The following PSG1 variants were observed in gnomAD, a reference collection of about 807,000 sequenced individuals.
PSG1 encodes the protein pregnancy specific beta-1-glycoprotein 1.
PSG1 carries 60 observed loss-of-function variants against 41.4 expected under a neutral mutation model. The observed-to-expected ratio is 1.45, with a 90% CI of 1.18 to 1.80. The LOEUF is 1.80. Among genes scored for constraint, PSG1 ranks in the 40% most tolerant of loss-of-function variants. PSG1 has a pLI of 0.00. For missense variants in PSG1, 806 were observed against 516.9 expected (o/e 1.56, Z -5.42); for synonymous variants, 256 against 192.9 (o/e 1.33, Z -2.71).
chr19:42,874,049 A>G (rs1159787338), intron 2 of PSG1: 1 of 151,584 alleles, frequency 6.6e-6, no homozygotes, highest in East Asian at 1.9e-4. Flanking sequence ...CAGTAAAACC[A>G]TCAGATAACA....
Position 42,868,878 on chromosome 19 carries a change from G to A in PSG1, c.866C>T (p.Pro289Leu), listed in dbSNP as rs143886024. ...TAGAATGAGGATCCTGTTTTCAATGGGTCGCTTTACCCTGGGACTGACCGG... is the reference window on the plus strand; with the variant it reads ...TAGAATGAGGATCCTGTTTTCAATGAGTCGCTTTACCCTGGGACTGACCGG... ...SLPVSPRVKR[P>L]IENRILILPS... The change falls in exon 4 of 6, where the codon CCC (proline) becomes CTC (leucine). Residue 289 changes from proline (P) to leucine (L), a missense_variant. Pro to Leu is a moderately conservative substitution (Grantham distance 98). Coordinates refer to ENST00000436291, the MANE Select transcript of PSG1 (RefSeq NM_001184825.2). 6.2e-7 allele frequency: 1 copy of A among 1,610,730 alleles called. No individual in the cohort carries two copies.
At chr19:42,873,730 T>C (rs981472880) in intron 2 of PSG1, among the ~76,000 whole-genome samples, 1 of 151,614 alleles carries the variant, frequency 6.6e-6, no homozygotes, top group African/African-American at 2.4e-5. Flanking sequence ...GGTCAGTGCA[T>C]CAATTACATA....
chr19:42,869,132 A>C, intron 3 of PSG1, 98 bp from the exon 4 acceptor site: 1 of 1,557,238 alleles, frequency 6.4e-7, no homozygotes. Context: ...CTCTCATTCC[A>C]CCCGAGTCCT....
chr19:42,878,952 G>A lies in PSG1; in HGVS notation c.64+566C>T, dbSNP rs182747620. Among the ~76,000 whole-genome samples the A allele has an allele frequency of 3.5e-3, 534 of 151,014 alleles. 6 individuals carry two copies. Among genetic ancestry groups the A allele is most frequent in the Middle Eastern group, 6.8e-3 (2 of 292 alleles). On this transcript the variant is annotated intron_variant, in intron 1 of 5. Transcript: ENST00000436291. Reference sequence around the variant, plus strand: ...CTGCCCTGTTTATATTTTTATTTGAGGTGTCATCTGCTATAGTTATTATTA... The same window carrying A: ...CTGCCCTGTTTATATTTTTATTTGAAGTGTCATCTGCTATAGTTATTATTA...
chr19:42,868,224 G>T lies in PSG1; in HGVS notation c.1120C>A (p.Leu374Ile), dbSNP rs770859167. 9 of 1,612,396 alleles carry T rather than the reference G, an allele frequency of 5.6e-6. No homozygotes were observed. The highest frequency in any genetic ancestry group is 7.6e-6 in the Non-Finnish European group (9 of 1,179,156). Residue 374 changes from leucine to isoleucine, a missense_variant, in exon 5 of 6, where the codon CTA (leucine) becomes ATA (isoleucine). Transcript: ENST00000436291. ...YSWTINEKFQ[L>I]PGQKLFIRHI... ...CGGATAAAGAGCTTTTGTCCTGGTA[G>T]CTGAAACTTTTCATTAATTGTCCAA...
intron 2 of PSG1, among the ~76,000 whole-genome samples, chr19:42,877,254 C>A (rs755369234): frequency 6.6e-6 from 1 of 151,630 alleles, no homozygotes; most frequent in East Asian, 1.9e-4. Context: ...TATGGACTAT[C>A]CTAAGCCTCC....
Position 42,867,709 on chromosome 19 carries a change from C to T in PSG1, c.1243+392G>A, listed in dbSNP as rs541076153. 2.9e-4 allele frequency: 235 copies of T among 817,962 alleles called. 6 individuals are homozygous for T. The highest frequency in any genetic ancestry group is 1.8e-3 in the East Asian group (74 of 41,212). 50.7% of individuals were successfully genotyped at this position (817,962 alleles called of 1,614,324 possible). On this transcript the variant is annotated intron_variant, in intron 5 of 5. Coordinates refer to ENST00000436291, the MANE Select transcript of PSG1 (RefSeq NM_001184825.2). ...AAAGCAAAAGTAAATGTTTCAATTA[C>T]GGTTCCCAGAAGTATAGTTTATTGA...
chr19:42,878,585 A>C (rs1971726888), intron 1 of PSG1, among the ~76,000 whole-genome samples: 3 of 139,262 alleles, frequency 2.2e-5, no homozygotes, highest in Non-Finnish European at 3.1e-5. Context: ...GGCCCCCTCC[A>C]CAATGCCCTC....
At chr19:42,875,109 C>T (rs181832656) in intron 2 of PSG1, among the ~76,000 whole-genome samples, 1 of 151,806 alleles carries the variant, frequency 6.6e-6, no homozygotes, top group Admixed American at 6.6e-5. Flanking sequence ...GCAGAGATTA[C>T]AACAGTGACA....
intron 3 of PSG1, chr19:42,869,991 C>A (rs1971311960): frequency 6.6e-6 from 1 of 151,668 alleles, no homozygotes; most frequent in Admixed American, 6.6e-5. Context: ...ATTCTACTCT[C>A]TGATTCCATG....
chr19:42,872,873 A>T (rs1971453358), intron 2 of PSG1, among the ~76,000 whole-genome samples: 1 of 151,864 alleles, frequency 6.6e-6, no homozygotes, highest in Admixed American at 6.6e-5. Flanking sequence ...GACTGGTGGA[A>T]AGGGCGATCA....
chr19:42,869,107 G>A (rs1157787543), intron 3 of PSG1, 73 bp from the exon 4 acceptor site: 2 of 1,583,322 alleles, frequency 1.3e-6, no homozygotes, highest in Admixed American at 1.7e-5. Flanking sequence ...TTCAATCAGA[G>A]TTGGCATCTC....
rs554092175 is a variant in PSG1, at chr19:42,877,306, C to T, written c.430+607G>A. On this transcript the variant is annotated intron_variant, in intron 2 of 5. Transcript: ENST00000436291. ...TGGCCTACAAAGCTTGTCTTTCTGT[C>T]CTCTCCACTCTGAGTATCAGGTGAA... Among the ~76,000 whole-genome samples the T allele has an allele frequency of 5.3e-5, 8 of 151,722 alleles. 1 individual carries two copies. The East Asian group carries it at 1.2e-3, about 22-fold the overall frequency.
At chr19:42,879,383 A>G (rs112568671) in intron 1 of PSG1, 135 bp downstream of exon 1, 2 of 1,372,558 alleles carry the variant, frequency 1.5e-6, no homozygotes, top group African/African-American at 1.5e-5. Context: ...TGAACTTCTG[A>G]TCTCATGATC....
At chr19:42,868,631 G>A (rs1202439237) in intron 4 of PSG1, 125 bp downstream of exon 4, 2 of 1,541,748 alleles carry the variant, frequency 1.3e-6, no homozygotes, top group Admixed American at 3.8e-5. Context: ...GGGAGTCATG[G>A]CCAGCTCCGA....
In PSG1 at chr19:42,878,283, G is replaced by C; in HGVS notation, c.65-5C>G. ...TCCAGAAGTTTAAAAGTGATGCTAG[G>C]AGGTGGAGAGAACATCAGTCAATAT... is the stretch of plus-strand genomic sequence containing the variant. On this transcript the variant is annotated splice_polypyrimidine_tract_variant and splice_region_variant and intron_variant, in intron 1 of 5. Transcript: ENST00000436291. 5 of 1,601,174 alleles carry C rather than the reference G, an allele frequency of 3.1e-6. No individual in the cohort carries two copies. Among genetic ancestry groups the C allele is most frequent in the Non-Finnish European group, 4.3e-6 (5 of 1,173,956 alleles).
chr19:42,871,675 G>C (rs1971389959), intron 3 of PSG1, 92 bp downstream of exon 3: 11 of 1,611,586 alleles, frequency 6.8e-6, no homozygotes, highest in African/African-American at 2.7e-5. Flanking sequence ...AAAGGTCTCT[G>C]TATTGGACCT....
In PSG1 at chr19:42,868,136, T is replaced by A. The variant is rs540183346; in HGVS notation, c.1208A>T (p.Lys403Met). 5.0e-6 allele frequency: 8 copies of A among 1,612,410 alleles called. 1 individual carries two copies. The highest frequency in any genetic ancestry group is 4.4e-5 in the South Asian group (4 of 90,818). The part of the protein sequence containing the change: ...VCSVRNSATG[K>M]ESSKSMTVEV... ...GACTGTCATGGATTTGGAGCTTTCC[T>A]TGCCAGTGGCTGAGTTACGAACAGA... The change falls in exon 5 of 6, where the codon AAG (lysine) becomes ATG (methionine). Residue 403 changes from lysine to methionine, a missense_variant. Transcript: ENST00000436291.
chr19:42,868,032 G>C (rs768980531), intron 5 of PSG1, 69 bp downstream of exon 5: 2 of 1,611,330 alleles, frequency 1.2e-6, no homozygotes, highest in South Asian at 1.1e-5. Flanking sequence ...TTGTTTTCCT[G>C]ACTCTTCTCT....
Sources: gnomAD v4.1 joint callset for allele counts (sites outside exome capture counted in the v4.1 genomes callset) on GRCh38, gnomAD v4.1.1 for gene constraint, MANE v1.5 for transcripts, NCBI Gene and HGNC (gene_info 2026-07-23, HGNC 2026-07-21) for gene names.